TCEA1: variants seen among roughly 807,000 people sequenced by gnomAD.
TCEA1 encodes transcription elongation factor A1.
Under a neutral mutation model 43.8 loss-of-function variants are expected in TCEA1, and 21 were observed. The ratio of observed to expected loss-of-function variants is 0.48; its 90% CI spans 0.34 to 0.69. The LOEUF (loss-of-function observed/expected upper bound fraction) is 0.69. TCEA1 is among the 30% of genes least tolerant of loss of function. The pLI, the probability that TCEA1 is intolerant of heterozygous loss-of-function variation, is 0.01. For synonymous variants in TCEA1, 104 were observed against 117.5 expected, an observed-to-expected ratio of 0.88 and a Z score of 0.75; for missense variants, 250 against 365.1, an observed-to-expected ratio of 0.68 and a Z score of 2.57.
chr8:53,988,753 TAGAG>T (rs1281635817), intron 4 of TCEA1, among the ~76,000 whole-genome samples: 3 of 151,804 alleles, frequency 2.0e-5, no homozygotes, highest in Admixed American at 6.6e-5. Context: ...AAACTAGAGA[TAGAG>T]AGAGAGAATG....
At chr8:53,976,982 A>G (rs971545985) in intron 8 of TCEA1, among the ~76,000 whole-genome samples, 9 of 152,246 alleles carry the variant, frequency 5.9e-5, no homozygotes, top group Admixed American at 6.5e-5. Flanking sequence ...AACAGTAGAA[A>G]AGAGGCAGAA....
At chr8:53,969,479 G>C (rs1313145050) in intron 9 of TCEA1, among the ~76,000 whole-genome samples, 1 of 151,568 alleles carries the variant, frequency 6.6e-6, no homozygotes, top group African/African-American at 2.4e-5. Flanking sequence ...AAACTGAAAA[G>C]TCTATGTAAG....
In TCEA1 at chr8:54,015,269, A is replaced by C. The variant is rs191102327; in HGVS notation, c.64-4777T>G. On this transcript the variant is annotated intron_variant, in intron 1 of 9. Transcript: ENST00000521604. ...GCTGCAACCTCTACCTCCTGGGTTC[A>C]AGCGATTATCCTGCCTCAGCCTCCC... Among the ~76,000 whole-genome samples the C allele has an allele frequency of 3.1e-3, 464 of 151,934 alleles. 1 individual carries two copies. The highest frequency in any genetic ancestry group is 0.01 in the Middle Eastern group (3 of 294).
chr8:54,011,523 G>A (rs1804651623), intron 1 of TCEA1, among the ~76,000 whole-genome samples: 1 of 152,206 alleles, frequency 6.6e-6, no homozygotes, highest in Admixed American at 6.5e-5. Context: ...CATTCTGCCT[G>A]TGAAAGAACA....
At chr8:53,973,755 A>ACTTCC (rs1189538103) in intron 8 of TCEA1, 2 of 514,248 alleles carry the variant, frequency 3.9e-6, no homozygotes, top group African/African-American at 4.0e-5. Context: ...AGCAATGTAC[A>ACTTCC]CTTCCCACTT....
chr8:53,990,886 T>A (rs1377578639), intron 4 of TCEA1, among the ~76,000 whole-genome samples: 3 of 152,228 alleles, frequency 2.0e-5, no homozygotes, highest in African/African-American at 7.2e-5. Flanking sequence ...TATAAAATCC[T>A]GCTTAGCTAC....
intron 1 of TCEA1, among the ~76,000 whole-genome samples, chr8:54,010,832 A>C (rs1039633736): frequency 3.3e-5 from 5 of 151,604 alleles, no homozygotes; most frequent in Admixed American, 2.6e-4. Flanking sequence ...TTTTTTTAAG[A>C]CAGAGTCTCA....
intron 2 of TCEA1, among the ~76,000 whole-genome samples, chr8:54,000,893 G>A (rs1804234753): frequency 6.6e-6 from 1 of 151,844 alleles, no homozygotes; most frequent in African/African-American, 2.4e-5. Context: ...CCGAGTAGCT[G>A]GGATTACAGG....
At chr8:53,981,080 G>A (rs756400460) in intron 7 of TCEA1, among the ~76,000 whole-genome samples, 3 of 152,172 alleles carry the variant, frequency 2.0e-5, no homozygotes, top group Non-Finnish European at 4.4e-5. Context: ...TGCTGAGAGA[G>A]ATGAGGAAGC....
At chr8:54,014,368 G>A (rs1249186606) in intron 1 of TCEA1, among the ~76,000 whole-genome samples, 2 of 152,120 alleles carry the variant, frequency 1.3e-5, no homozygotes, top group African/African-American at 4.8e-5. Context: ...CAGCACTCTG[G>A]GAGGCCTAAG....
chr8:53,991,099 A>AAGAC (rs1803860445), intron 4 of TCEA1, among the ~76,000 whole-genome samples: 1 of 152,156 alleles, frequency 6.6e-6, no homozygotes, highest in Non-Finnish European at 1.5e-5. Flanking sequence ...AAACTGATAA[A>AAGAC]AGACAACGAG....
chr8:54,021,173 G>C (rs908530626), intron 1 of TCEA1, among the ~76,000 whole-genome samples: 1 of 152,172 alleles, frequency 6.6e-6, no homozygotes, highest in African/African-American at 2.4e-5. Context: ...TGTGCAACAA[G>C]AGTTAAACTC....
At chr8:53,973,808 AGCTGTGG>A in intron 8 of TCEA1, 1 of 412,008 alleles carries the variant, frequency 2.4e-6, no homozygotes, top group Non-Finnish European at 4.6e-6. Context: ...AGAAAACAAA[AGCTGTGG>A]AAAAAACCCT....
At chr8:54,018,523 T>C (rs746754273) in intron 1 of TCEA1, among the ~76,000 whole-genome samples, 3 of 152,178 alleles carry the variant, frequency 2.0e-5, no homozygotes, top group Non-Finnish European at 2.9e-5. Flanking sequence ...GACAAAGAAC[T>C]TGCCTAAAAT....
rs149600420 is a variant in TCEA1, at chr8:53,988,589, G to A, written c.321-330C>T. On this transcript the variant is annotated intron_variant, in intron 4 of 9. Transcript: ENST00000521604. The stretch of plus-strand genomic sequence containing the variant: ...TGAAAAGCAATGATCTTGGTATAAG[G>A]AGAGGGATGAAGGGATGGGACCAGA... 4.0e-3 allele frequency among the ~76,000 whole-genome samples: 616 copies of A among 152,254 alleles called. 3 individuals carry two copies. The highest frequency in any genetic ancestry group is 0.014 in the African/African-American group (594 of 41,548).
chr8:54,010,606 T>C (rs1184644947), intron 1 of TCEA1, 114 bp from the exon 2 acceptor site: 1 of 769,996 alleles, frequency 1.3e-6, no homozygotes, highest in African/African-American at 1.8e-5. Context: ...TAAAATCAGA[T>C]AAGGAGCAAC....
Position 53,997,356 on chromosome 8 carries a change from T to A in TCEA1, c.232+2589A>T, listed in dbSNP as rs189441437. On this transcript the variant is annotated intron_variant, in intron 3 of 9. Coordinates refer to ENST00000521604, the MANE Select transcript of TCEA1 (RefSeq NM_006756.4). ...ATTGGGAGGGGAGGAAAAAGATTTG[T>A]TAAGGTGTAAGACAGTTTCAGGATC... is the stretch of plus-strand genomic sequence containing the variant. Among the ~76,000 whole-genome samples the A allele has an allele frequency of 8.5e-5, 13 of 152,290 alleles. No homozygotes were observed. In the East Asian group the frequency reaches 2.3e-3, roughly 27 times the overall value.
chr8:53,984,086 G>T (rs1356814552), intron 7 of TCEA1, among the ~76,000 whole-genome samples: 1 of 152,130 alleles, frequency 6.6e-6, no homozygotes, highest in Non-Finnish European at 1.5e-5. Flanking sequence ...GTCAACAAAA[G>T]CAAAACTCTG....
In TCEA1 at chr8:54,022,420, G is replaced by A. The variant is rs1563529541; in HGVS notation, c.-295C>T. 1 of 467,398 alleles carries A rather than the reference G, an allele frequency of 2.1e-6. No individual in the cohort carries two copies. Among genetic ancestry groups the A allele is most frequent in the Admixed American group, 4.3e-5 (1 of 23,308 alleles). The allele number at this position is 467,398 out of a possible 1,614,324, so 29.0% of individuals were successfully genotyped here. A position where few individuals can be genotyped will look rare whatever the true frequency, so the allele number is the denominator to read the frequency against. Reference sequence around the variant, plus strand: ...CCCATGTTCCCGCCAGGCGGGCGTCGGGCTAGTGGGCAGGCGTGGCTTCCG... The same window carrying A: ...CCCATGTTCCCGCCAGGCGGGCGTCAGGCTAGTGGGCAGGCGTGGCTTCCG... On this transcript the variant is annotated 5_prime_UTR_variant, in exon 1 of 10. Coordinates refer to ENST00000521604, the MANE Select transcript of TCEA1 (RefSeq NM_006756.4).
Sources: allele counts gnomAD v4.1 joint callset (sites outside exome capture counted in the v4.1 genomes callset), GRCh38; gene constraint gnomAD v4.1.1; transcripts MANE v1.5; gene names NCBI Gene and HGNC (gene_info 2026-07-23, HGNC 2026-07-21).